The following PRKN variants were observed in gnomAD, a reference collection of about 807,000 sequenced individuals.
The protein encoded by PRKN is E3 ubiquitin-protein ligase parkin.
In PRKN, 56 loss-of-function variants were observed where a neutral mutation model predicts 59.5. The ratio of observed to expected loss-of-function variants is 0.94; its 90% confidence interval spans 0.76 to 1.18. The LOEUF is 1.18. Among genes scored for constraint, PRKN ranks in the 50% most tolerant of loss-of-function variants. The probability of loss-of-function intolerance (pLI) is 0.00; values close to 1 mark genes in which losing one functional copy is unlikely to be tolerated. For missense variants in PRKN, 657 were observed against 596.4 expected (o/e 1.10, Z -1.06); for synonymous variants, 250 against 222.1 (o/e 1.13, Z -1.12).
chr6:162,207,069 G>A (rs988901109), intron 3 of PRKN, among the ~76,000 whole-genome samples: 2 of 152,014 alleles, frequency 1.3e-5, no homozygotes, highest in African/African-American at 4.8e-5. Flanking sequence ...CCTTGCTTTG[G>A]AGCCTTAAAA....
chr6:162,093,949 C>T (rs532008541), intron 4 of PRKN, among the ~76,000 whole-genome samples: 8 of 152,236 alleles, frequency 5.3e-5, no homozygotes, highest in South Asian at 2.1e-4. Flanking sequence ...GAACCTCAAA[C>T]GTTATCTACT....
chr6:161,689,678 G>T (rs549103107), intron 7 of PRKN, among the ~76,000 whole-genome samples: 151 of 151,940 alleles, frequency 9.9e-4, no homozygotes, highest in Non-Finnish European at 1.9e-3. Flanking sequence ...TTTATCCGAG[G>T]GTTCTTTAAA....
intron 6 of PRKN, among the ~76,000 whole-genome samples, chr6:161,821,121 A>G (rs1410855485): frequency 6.6e-6 from 1 of 152,150 alleles, no homozygotes; most frequent in Non-Finnish European, 1.5e-5. Flanking sequence ...TTCAGAGAAA[A>G]TAATTTTTGT....
At chr6:162,210,017 T>G (rs1396810114) in intron 3 of PRKN, among the ~76,000 whole-genome samples, 1 of 151,808 alleles carries the variant, frequency 6.6e-6, no homozygotes, top group African/African-American at 2.4e-5. Flanking sequence ...AATGATGAGT[T>G]GATGGGTGCA....
chr6:161,947,313 CAGA>C (rs1779818869), intron 6 of PRKN, among the ~76,000 whole-genome samples: 1 of 152,024 alleles, frequency 6.6e-6, no homozygotes, highest in Non-Finnish European at 1.5e-5. Context: ...AAAAAAGTAG[CAGA>C]AGTTCAAAAC....
intron 4 of PRKN, among the ~76,000 whole-genome samples, chr6:162,191,419 T>A (rs937952726): frequency 1.3e-5 from 2 of 152,184 alleles, no homozygotes; most frequent in Non-Finnish European, 2.9e-5. Context: ...CTAAGAATTA[T>A]CTTTTTCCAT....
chr6:162,056,016 C>T lies in PRKN; in HGVS notation c.535-1842G>A, dbSNP rs986980646. Among the ~76,000 whole-genome samples, 7 of 150,958 alleles carry T rather than the reference C, an allele frequency of 4.6e-5. No homozygotes were observed. Among genetic ancestry groups the T allele is most frequent in the African/African-American group, 1.7e-4 (7 of 40,994 alleles). ...AGGCATGCACGCACACAGGCATGCA[C>T]GCACACAGCATGCCACACACCACAC... On this transcript the variant is annotated intron_variant, in intron 4 of 11. Coordinates refer to ENST00000366898, the MANE Select transcript of PRKN (RefSeq NM_004562.3). This position sits in a 1 kb window ranked among gnomAD's most constrained non-coding sequence, Gnocchi z 4.9.
At chr6:162,180,010 G>GTGTGTA (rs1210085690) in intron 4 of PRKN, among the ~76,000 whole-genome samples, 10 of 145,390 alleles carry the variant, frequency 6.9e-5, no homozygotes, top group African/African-American at 2.5e-4. Flanking sequence ...GTGTGTGTAT[G>GTGTGTA]TGTGTAGCAA....
chr6:162,095,532 G>A (rs1272314790), intron 4 of PRKN, among the ~76,000 whole-genome samples: 3 of 152,046 alleles, frequency 2.0e-5, no homozygotes, highest in South Asian at 2.1e-4. Flanking sequence ...CAGCAGTTAC[G>A]ATCGCTGACC....
intron 6 of PRKN, among the ~76,000 whole-genome samples, chr6:161,884,797 A>G (rs890236332): frequency 1.6e-5 from 2 of 122,348 alleles, no homozygotes; most frequent in African/African-American, 6.2e-5. Flanking sequence ...TGAAATGTAC[A>G]TTTATTGTCT....
At chr6:161,905,637 T>C (rs1445777802) in intron 6 of PRKN, among the ~76,000 whole-genome samples, 1 of 152,004 alleles carries the variant, frequency 6.6e-6, no homozygotes. Flanking sequence ...TTCCTTTATC[T>C]TGGGTTTTAT....
At chr6:161,474,747 A>T (rs1790983496) in intron 9 of PRKN, among the ~76,000 whole-genome samples, 1 of 151,044 alleles carries the variant, frequency 6.6e-6, no homozygotes, top group Non-Finnish European at 1.5e-5. Context: ...GGCACTCGCC[A>T]TCATGCCTGG....
intron 1 of PRKN, among the ~76,000 whole-genome samples, chr6:162,611,098 T>C (rs980922579): frequency 8.5e-5 from 13 of 152,216 alleles, no homozygotes; most frequent in African/African-American, 2.2e-4. Context: ...AATCCTTTTG[T>C]AATATCTATT....
intron 2 of PRKN, among the ~76,000 whole-genome samples, chr6:162,341,917 C>A (rs1218156651): frequency 3.4e-5 from 5 of 148,484 alleles, no homozygotes; most frequent in South Asian, 2.1e-4. Flanking sequence ...AAAAAAAAAA[C>A]TCCTGGTGTC....
At chr6:162,135,432 G>A (rs550954452) in intron 4 of PRKN, among the ~76,000 whole-genome samples, 48 of 152,322 alleles carry the variant, frequency 3.2e-4, no homozygotes, top group Middle Eastern at 3.4e-3. Context: ...TTAGATCCTA[G>A]CTCTTCAGTG....
chr6:162,629,573 AG>A (rs1783025385), intron 1 of PRKN, among the ~76,000 whole-genome samples: 1 of 152,210 alleles, frequency 6.6e-6, no homozygotes, highest in African/African-American at 2.4e-5. Flanking sequence ...AATTGATAAA[AG>A]TTTCAGCAGA....
At position 161,680,754 on chromosome 6, in the gene PRKN, TATATATATATATA is replaced by T. The variant is rs1192528079; in HGVS notation, c.871+105005_871+105017del. ...ATATATATATATATATATATATATATATATATATATATATATATATATTTTTTTTTTTTTTTCT... is the reference window on the plus strand; with the variant it reads ...ATATATATATATATATATATATATATTATATATATTTTTTTTTTTTTTTCT... On this transcript the variant is annotated intron_variant, in intron 7 of 11. Coordinates refer to ENST00000366898, the MANE Select transcript of PRKN (RefSeq NM_004562.3). 8.8e-3 allele frequency among the ~76,000 whole-genome samples: 204 copies of T among 23,314 alleles called. 12 individuals carry two copies. Among genetic ancestry groups the T allele is most frequent in the African/African-American group, 0.017 (135 of 7,794 alleles). The allele number at this position is 23,314 out of a possible 152,430, so 15.3% of individuals were successfully genotyped here.
chr6:161,621,228 G>C (rs554460375), intron 7 of PRKN, among the ~76,000 whole-genome samples: 1 of 152,226 alleles, frequency 6.6e-6, no homozygotes, highest in South Asian at 2.1e-4. Flanking sequence ...TATGAGGGGA[G>C]ATTTCTTAGA....
chr6:162,692,504 T>C (rs1304521354), intron 1 of PRKN, among the ~76,000 whole-genome samples: 3 of 152,048 alleles, frequency 2.0e-5, no homozygotes, highest in Non-Finnish European at 4.4e-5. Flanking sequence ...GAAGTTTGAC[T>C]ACAGGAGGGG....
Sources: allele counts gnomAD v4.1 joint callset (sites outside exome capture counted in the v4.1 genomes callset), GRCh38; gene constraint gnomAD v4.1.1; non-coding constraint Gnocchi (gnomAD v3.1); transcripts MANE v1.5; gene names NCBI Gene and HGNC (gene_info 2026-07-23, HGNC 2026-07-21).